Variants in BCAS3 observed in about 807,000 individuals in gnomAD.
BCAS3 encodes BCAS4/BCAS3 fusion.
In BCAS3, 53 loss-of-function variants were observed where a neutral mutation model predicts 116.1. The observed-to-expected ratio is 0.46, with a 90% CI of 0.37 to 0.57. The LOEUF (loss-of-function observed/expected upper bound fraction) is 0.57. Among genes scored for constraint, BCAS3 ranks in the 20% least tolerant of loss-of-function variants. The pLI, the probability that BCAS3 is intolerant of heterozygous loss-of-function variation, is 0.00. For missense variants in BCAS3, 917 were observed against 1,165.4 expected (o/e 0.79, Z 3.10); for synonymous variants, 391 against 408.2 (o/e 0.96, Z 0.51).
rs1236012843 is a variant in BCAS3, at chr17:60,964,826, A to G, written c.1221+17474A>G. On this transcript the variant is annotated intron_variant, in intron 14 of 23. Coordinates refer to ENST00000407086, the MANE Select transcript of BCAS3 (RefSeq NM_017679.5). This position sits in a 1 kb window ranked among gnomAD's most constrained non-coding sequence, Gnocchi z 4.6. Reference sequence around the variant, plus strand: ...CTTCTAGGTTTTCCAGTTTGTTGGTATATAATTGTTCATAGTAGTCTCTAA... The same window carrying G: ...CTTCTAGGTTTTCCAGTTTGTTGGTGTATAATTGTTCATAGTAGTCTCTAA... 1.3e-5 allele frequency among the ~76,000 whole-genome samples: 2 copies of G among 152,106 alleles called. No individual in the cohort carries two copies. The highest frequency in any genetic ancestry group is 2.9e-5 in the Non-Finnish European group (2 of 68,010).
intron 22 of BCAS3, among the ~76,000 whole-genome samples, chr17:61,221,376 C>G (rs150443580): frequency 1.3e-5 from 2 of 152,210 alleles, no homozygotes; most frequent in Non-Finnish European, 2.9e-5. Context: ...AATCTCCTAT[C>G]AGACACTTAA....
intron 7 of BCAS3, among the ~76,000 whole-genome samples, chr17:60,819,640 T>C (rs2049748652): frequency 6.6e-6 from 1 of 152,202 alleles, no homozygotes; most frequent in Non-Finnish European, 1.5e-5. Context: ...ACAGATAGCA[T>C]ACTCAAATTG....
intron 4 of BCAS3, among the ~76,000 whole-genome samples, chr17:60,693,417 ATT>A (rs766636406): frequency 2.0e-5 from 3 of 146,842 alleles, no homozygotes; most frequent in African/African-American, 5.0e-5. Flanking sequence ...CAGTTTTTGT[ATT>A]TTTTTTTTTG....
chr17:60,911,149 G>A (rs115209791), intron 12 of BCAS3, among the ~76,000 whole-genome samples: 1,066 of 24,940 alleles, frequency 0.043, 23 homozygotes, highest in African/African-American at 0.12. Flanking sequence ...TTGAGATGGA[G>A]CATCACTCTG....
chr17:61,192,370 G>A (rs2080200120), intron 22 of BCAS3, among the ~76,000 whole-genome samples: 1 of 151,474 alleles, frequency 6.6e-6, no homozygotes, highest in South Asian at 2.1e-4. Flanking sequence ...TTCCAGAATT[G>A]TAGACCTCAG....
intron 5 of BCAS3, chr17:60,727,484 T>C: frequency 6.5e-7 from 1 of 1,530,494 alleles, no homozygotes; most frequent in South Asian, 1.3e-5. Context: ...GTTGACCATC[T>C]TTGCAGCAGG....
chr17:60,849,923 T>C (rs866290849), intron 7 of BCAS3, among the ~76,000 whole-genome samples: 1 of 152,254 alleles, frequency 6.6e-6, no homozygotes, highest in Middle Eastern at 3.4e-3. Flanking sequence ...CGTGCCTCGC[T>C]GATTTTTTAT....
At chr17:60,815,973 A>AT in intron 7 of BCAS3, among the ~76,000 whole-genome samples, 1 of 152,116 alleles carries the variant, frequency 6.6e-6, no homozygotes, top group South Asian at 2.1e-4. Context: ...CTCATCCTTT[A>AT]TTTTTTAGTA....
Position 61,013,578 on chromosome 17 carries a change from C to A in BCAS3, c.1487-2173C>A, listed in dbSNP as rs542884701. ...TTTTCTACAAGGTTCTGTGTTGTGG[C>A]CTAAATCATCTTGTGTGTATTGTGA... On this transcript the variant is annotated intron_variant, in intron 15 of 23. Transcript: ENST00000407086. This position sits in a 1 kb window ranked among gnomAD's most constrained non-coding sequence, Gnocchi z 4.4. Among the ~76,000 whole-genome samples, 9 of 151,960 alleles carry A rather than the reference C, an allele frequency of 5.9e-5. No individual in the cohort carries two copies. The highest frequency in any genetic ancestry group is 1.3e-4 in the Non-Finnish European group (9 of 67,958).
chr17:61,382,884 T>C (rs1370770237), intron 23 of BCAS3: 1 of 152,372 alleles, frequency 6.6e-6, no homozygotes, highest in Non-Finnish European at 1.5e-5. Context: ...GGGGAAGTCC[T>C]GGGCAGGAGG....
At chr17:61,178,346 A>C (rs1295327500) in intron 22 of BCAS3, among the ~76,000 whole-genome samples, 1 of 152,214 alleles carries the variant, frequency 6.6e-6, no homozygotes, top group Non-Finnish European at 1.5e-5. Context: ...GCAGCACAAT[A>C]TAATCAATTA....
At chr17:60,900,611 G>T (rs2057823945) in intron 10 of BCAS3, among the ~76,000 whole-genome samples, 1 of 152,182 alleles carries the variant, frequency 6.6e-6, no homozygotes, top group Non-Finnish European at 1.5e-5. Flanking sequence ...GTTCTTCTAA[G>T]TGGAAGAGGT....
Position 61,211,912 on chromosome 17 carries a change from T to C in BCAS3, c.2425+127348T>C, listed in dbSNP as rs1483664647. 6.6e-6 allele frequency among the ~76,000 whole-genome samples: 1 copy of C among 152,236 alleles called. No individual in the cohort carries two copies. Among genetic ancestry groups the C allele is most frequent in the Non-Finnish European group, 1.5e-5 (1 of 68,038 alleles). On this transcript the variant is annotated intron_variant, in intron 22 of 23. Transcript: ENST00000407086. This position sits in a 1 kb window ranked among gnomAD's most constrained non-coding sequence, Gnocchi z 4.4. Reference sequence around the variant, plus strand: ...AAAGATCTGACTATAATCCATTTCATTCACTGTTGCAGTTTGCTGTGTGGG... The same window carrying C: ...AAAGATCTGACTATAATCCATTTCACTCACTGTTGCAGTTTGCTGTGTGGG...
rs1414611997 is a variant in BCAS3 at position 61,390,813 on chromosome 17, G to A, written c.2594-1164G>A. On this transcript the variant is annotated intron_variant, in intron 23 of 23. Transcript: ENST00000407086. This position sits in a 1 kb window ranked among gnomAD's most constrained non-coding sequence, Gnocchi z 6.8. ...CAGACCAGACGAGTGCAACGTTTTT[G>A]CACATCTTGCTGTTTCAAGTGACTG... 1 of 152,318 alleles carries A rather than the reference G, an allele frequency of 6.6e-6. No individual in the cohort carries two copies. The highest frequency in any genetic ancestry group is 2.4e-5 in the African/African-American group (1 of 41,454). 9.4% of individuals were successfully genotyped at this position (152,318 alleles called of 1,614,324 possible).
chr17:61,043,130 C>T (rs182586822), intron 19 of BCAS3, among the ~76,000 whole-genome samples: 40 of 151,634 alleles, frequency 2.6e-4, no homozygotes, highest in African/African-American at 8.5e-4. Context: ...TTTGGGAGAC[C>T]GAGGTAGGCA....
Position 61,368,333 on chromosome 17 carries a change from T to C in BCAS3, c.2432T>C (p.Phe811Ser). Residue 811 changes from phenylalanine to serine, a missense_variant, in exon 23 of 24, where the codon TTT (phenylalanine) becomes TCT (serine). This residue lies in a region of BCAS3 where 807 missense variants were observed against 1,026.0 expected (regional missense o/e 0.79). Coordinates refer to ENST00000407086, the MANE Select transcript of BCAS3 (RefSeq NM_017679.5). This position sits in a 1 kb window ranked among gnomAD's most constrained non-coding sequence, Gnocchi z 6.0. ...TGTCCCGTGTGTGCCACAGGTACCT[T>C]TGACAGGAGCGTGACCCTGCTGGAG... ...STVIDAASGT[F>S]DRSVTLLEVC... 7 of 1,594,150 alleles carry C rather than the reference T, an allele frequency of 4.4e-6. No individual in the cohort carries two copies. Among genetic ancestry groups the C allele is most frequent in the Non-Finnish European group, 6.0e-6 (7 of 1,164,616 alleles).
intron 22 of BCAS3, among the ~76,000 whole-genome samples, chr17:61,129,051 C>A (rs111581093): frequency 0.022 from 3,318 of 152,240 alleles, 53 homozygotes; most frequent in Non-Finnish European, 0.036. Context: ...ACAGGAAACA[C>A]TTTTGAAAGT....
intron 6 of BCAS3, among the ~76,000 whole-genome samples, chr17:60,762,915 G>T (rs144489030): frequency 1.3e-5 from 2 of 150,892 alleles, no homozygotes; most frequent in Non-Finnish European, 2.9e-5. Flanking sequence ...GGTCCTTCAC[G>T]TCCCTTGTTA....
chr17:60,792,083 A>G (rs896151389), intron 6 of BCAS3, among the ~76,000 whole-genome samples: 6 of 152,200 alleles, frequency 3.9e-5, no homozygotes, highest in Admixed American at 1.3e-4. Flanking sequence ...AGATCGTGCC[A>G]CTGTACTCCA....
Sources: allele counts gnomAD v4.1 joint callset (sites outside exome capture counted in the v4.1 genomes callset), GRCh38; gene constraint gnomAD v4.1.1; regional missense constraint gnomAD v4.1.1; non-coding constraint Gnocchi (gnomAD v3.1); transcripts MANE v1.5; gene names NCBI Gene and HGNC (gene_info 2026-07-23, HGNC 2026-07-21).